The following TENM2 variants were observed in gnomAD, a reference collection of about 807,000 sequenced individuals.
The protein encoded by TENM2 is teneurin-2.
In TENM2, 52 loss-of-function variants were observed where a neutral mutation model predicts 245.2. The observed-to-expected ratio is 0.21, with a 90% confidence interval of 0.17 to 0.27. The LOEUF (loss-of-function observed/expected upper bound fraction) is 0.27, where lower values mean the gene tolerates loss of function less well. Among genes scored for constraint, TENM2 ranks in the 10% least tolerant of loss-of-function variants. The pLI is 1.00. For missense variants in TENM2, 3,046 were observed against 3,666.8 expected (o/e 0.83, Z 4.37); for synonymous variants, 1,363 against 1,438.9 (o/e 0.95, Z 1.19).
the TENM2 span, among the ~76,000 whole-genome samples, chr5:167,087,105 C>T: frequency 6.6e-6 from 1 of 152,114 alleles, no homozygotes. Context: ...CTAGGAGCCA[C>T]CTCAATGCCT....
At chr5:166,989,486 T>C in the TENM2 span, among the ~76,000 whole-genome samples, 1 of 151,940 alleles carries the variant, frequency 6.6e-6, no homozygotes. Context: ...GACCTCGTGA[T>C]CTGCCCGATT....
chr5:167,676,289 T>C (rs1354217880), intron 2 of TENM2, among the ~76,000 whole-genome samples: 2 of 152,080 alleles, frequency 1.3e-5, no homozygotes, highest in Admixed American at 6.6e-5. Flanking sequence ...ACTACCTTTA[T>C]CTCACTCATT....
chr5:167,510,868 AC>A (rs1331091092), intron 2 of TENM2, among the ~76,000 whole-genome samples: 1 of 152,168 alleles, frequency 6.6e-6, no homozygotes, highest in Non-Finnish European at 1.5e-5. Flanking sequence ...GTTTCCAAAC[AC>A]AGATATTAAA....
chr5:168,177,733 A>T (rs1465505957), intron 13 of TENM2, among the ~76,000 whole-genome samples: 2 of 152,226 alleles, frequency 1.3e-5, no homozygotes, highest in Non-Finnish European at 2.9e-5. Flanking sequence ...GCTACTCAGC[A>T]GGCTGAAGCA....
At chr5:167,087,880 C>T in the TENM2 span, among the ~76,000 whole-genome samples, 6 of 151,954 alleles carry the variant, frequency 3.9e-5, no homozygotes, top group African/African-American at 1.4e-4. Flanking sequence ...ACCTCTGCCT[C>T]GTGGGTTCCA....
At chr5:167,512,423 T>A (rs922044785) in intron 2 of TENM2, among the ~76,000 whole-genome samples, 19 of 152,174 alleles carry the variant, frequency 1.2e-4, no homozygotes, top group Non-Finnish European at 7.3e-5. Context: ...CTAACACTGA[T>A]GCTAAGGTGC....
At position 167,736,264 on chromosome 5, in the gene TENM2, C is replaced by T. The variant is rs185968652; in HGVS notation, c.503-139722C>T. ...GCAAGAACAGGAGGGGATAAACTGC[C>T]CCTGTGATTCAATTATCTCCACCTG... On this transcript the variant is annotated intron_variant, in intron 2 of 28. Transcript: ENST00000518659. 3.3e-5 allele frequency among the ~76,000 whole-genome samples: 5 copies of T among 152,138 alleles called. No homozygotes were observed. The South Asian group carries it at 6.2e-4, about 19-fold the overall frequency.
chr5:167,586,210 A>G (rs982093917), intron 2 of TENM2, among the ~76,000 whole-genome samples: 2 of 152,218 alleles, frequency 1.3e-5, no homozygotes, highest in Non-Finnish European at 2.9e-5. Context: ...CATAGCATTT[A>G]CATTATATTA....
the TENM2 span, among the ~76,000 whole-genome samples, chr5:167,199,128 C>T: frequency 7.0e-6 from 1 of 142,660 alleles, no homozygotes; most frequent in African/African-American, 2.6e-5. Flanking sequence ...AAAGAAATCA[C>T]ATGCATTGTA....
chr5:167,351,795 C>A (rs1443016371), intron 1 of TENM2, among the ~76,000 whole-genome samples: 3 of 152,058 alleles, frequency 2.0e-5, no homozygotes, highest in Non-Finnish European at 4.4e-5. Context: ...TAATCAGGTC[C>A]TCACCTGCTG....
intron 27 of TENM2, among the ~76,000 whole-genome samples, chr5:168,256,608 C>T (rs1323916446): frequency 1.3e-5 from 2 of 151,810 alleles, no homozygotes; most frequent in African/African-American, 2.4e-5. Context: ...TGTTTTTAGT[C>T]GAGACGAGGT....
At chr5:167,376,479 G>A (rs1259509211) in intron 2 of TENM2, among the ~76,000 whole-genome samples, 1 of 152,106 alleles carries the variant, frequency 6.6e-6, no homozygotes, top group Non-Finnish European at 1.5e-5. Context: ...AAATTTGCAG[G>A]TGGACAGCTT....
intron 2 of TENM2, among the ~76,000 whole-genome samples, chr5:167,401,175 A>T (rs932524679): frequency 6.6e-5 from 10 of 152,162 alleles, no homozygotes; most frequent in Admixed American, 6.6e-4. Flanking sequence ...CGTCCTGTAC[A>T]TATGTAGAGA....
At chr5:167,303,028 G>C (rs1755439461) in intron 1 of TENM2, 1 of 152,738 alleles carries the variant, frequency 6.5e-6, no homozygotes, top group Non-Finnish European at 1.5e-5. Flanking sequence ...ATTAAGAGAA[G>C]GGAGAGATTG....
chr5:167,742,269 C>T (rs1352143596), intron 2 of TENM2, among the ~76,000 whole-genome samples: 1 of 151,814 alleles, frequency 6.6e-6, no homozygotes, highest in African/African-American at 2.4e-5. Flanking sequence ...TTATTTTTAT[C>T]CCCTTAACTT....
intron 2 of TENM2, among the ~76,000 whole-genome samples, chr5:167,588,528 A>G (rs1392331197): frequency 6.6e-6 from 1 of 152,208 alleles, no homozygotes; most frequent in Non-Finnish European, 1.5e-5. Flanking sequence ...TTGTTAAGGG[A>G]TATTGTTTTC....
chr5:167,339,764 G>A (rs778001819), intron 1 of TENM2, among the ~76,000 whole-genome samples: 4 of 151,928 alleles, frequency 2.6e-5, no homozygotes, highest in Non-Finnish European at 5.9e-5. Context: ...ATGAATTAAC[G>A]CCGTTATAAA....
At chr5:167,632,307 T>A (rs966541074) in intron 2 of TENM2, among the ~76,000 whole-genome samples, 12 of 152,292 alleles carry the variant, frequency 7.9e-5, no homozygotes, top group Admixed American at 5.2e-4. Context: ...TATATCAGGT[T>A]ACCCCTCAAG....
chr5:167,916,826 G>A (rs1186401605), intron 3 of TENM2, among the ~76,000 whole-genome samples: 1 of 152,176 alleles, frequency 6.6e-6, no homozygotes, highest in African/African-American at 2.4e-5. Context: ...TTCCTTCTTG[G>A]GGTAAGCAAA....
Sources: gnomAD v4.1 joint callset for allele counts (sites outside exome capture counted in the v4.1 genomes callset) on GRCh38, gnomAD v4.1.1 for gene constraint, MANE v1.5 for transcripts, NCBI Gene and HGNC (gene_info 2026-07-23, HGNC 2026-07-21) for gene names.